Variants in RGS3 observed in about 807,000 individuals in gnomAD.
RGS3 encodes regulator of G protein signaling 3.
Under a neutral mutation model 132.6 loss-of-function variants are expected in RGS3, and 80 were observed. That is an observed-to-expected ratio of 0.60 (90% CI 0.50 to 0.73). RGS3 has a LOEUF of 0.73. Among genes scored for constraint, RGS3 ranks in the 30% least tolerant of loss-of-function variants. RGS3 has a pLI of 0.00. For missense variants in RGS3, 1,382 were observed against 1,530.8 expected, an observed-to-expected ratio of 0.90 and a Z score of 1.62; for synonymous variants, 598 against 620.6, an observed-to-expected ratio of 0.96 and a Z score of 0.54.
intron 18 of RGS3, among the ~76,000 whole-genome samples, chr9:113,529,800 C>T (rs1453618510): frequency 6.6e-6 from 1 of 152,210 alleles, no homozygotes; most frequent in African/African-American, 2.4e-5. Context: ...GATACCCACT[C>T]AGTGTGGTTG....
At chr9:113,477,879 G>T (rs1830041321) in intron 3 of RGS3, among the ~76,000 whole-genome samples, 1 of 152,180 alleles carries the variant, frequency 6.6e-6, no homozygotes, top group South Asian at 2.1e-4. Context: ...TCTGGTAGAC[G>T]GCCCTGCCCT....
intron 19 of RGS3, chr9:113,541,558 G>T (rs911254676): frequency 6.8e-7 from 1 of 1,466,732 alleles, no homozygotes; most frequent in African/African-American, 1.4e-5. Context: ...TCATCTGAAG[G>T]GAGTGGTCCC....
Position 113,463,903 on chromosome 9 carries a change from C to A in RGS3, c.415+1702C>A, listed in dbSNP as rs761098411. The A allele has an allele frequency of 6.2e-7, 1 of 1,611,384 alleles. No individual in the cohort carries two copies. Among genetic ancestry groups the A allele is most frequent in the South Asian group, 1.1e-5 (1 of 90,816 alleles). ...TTTGGTAAGTGCCCGCTGGGGCTGG[C>A]GGCAGGGGCTGCTTCACCCTGCTCC... On this transcript the variant is annotated intron_variant, in intron 3 of 24. Coordinates refer to ENST00000350696, the Ensembl canonical transcript of RGS3. This position sits in a 1 kb window ranked among gnomAD's most constrained non-coding sequence, Gnocchi z 4.6.
Position 113,506,110 on chromosome 9 carries a change from G to T in RGS3, c.980-278G>T, listed in dbSNP as rs1831119638. Among the ~76,000 whole-genome samples, 1 of 152,090 alleles carries T rather than the reference G, an allele frequency of 6.6e-6. No individual in the cohort carries two copies. Among genetic ancestry groups the T allele is most frequent in the Admixed American group, 6.6e-5 (1 of 15,262 alleles). On this transcript the variant is annotated intron_variant, in intron 11 of 24. Coordinates refer to ENST00000350696, the Ensembl canonical transcript of RGS3. The surrounding 1 kb of genome is among the most constrained non-coding windows in gnomAD (Gnocchi z 4.7). Reference sequence around the variant, plus strand: ...GGTAGGAGGCCCTGGGGAGGGGTAAGGGCCCGGGTAGAAGGGTGGACTGCA... The same window carrying T: ...GGTAGGAGGCCCTGGGGAGGGGTAATGGCCCGGGTAGAAGGGTGGACTGCA...
Position 113,577,165 on chromosome 9 carries a change from G to A in RGS3, c.2038-6285G>A, listed in dbSNP as rs557055861. On this transcript the variant is annotated intron_variant, in intron 19 of 24. Transcript: ENST00000350696. ...TGCCTGGCTAATTCTCGTATTTTTA[G>A]TAGAGACAGGGTTTTACCATATTGG... Among the ~76,000 whole-genome samples the A allele has an allele frequency of 8.5e-5, 13 of 152,122 alleles. No individual in the cohort carries two copies. In the South Asian group the frequency reaches 2.7e-3, roughly 32 times the overall value.
intron 17 of RGS3, among the ~76,000 whole-genome samples, chr9:113,527,640 G>A (rs530062207): frequency 1.3e-5 from 2 of 152,242 alleles, no homozygotes; most frequent in East Asian, 3.9e-4. Flanking sequence ...GCTGTGCCTG[G>A]CAGCCCTTGG....
intron 17 of RGS3, among the ~76,000 whole-genome samples, chr9:113,525,361 G>A (rs916489855): frequency 2.0e-5 from 3 of 152,126 alleles, no homozygotes; most frequent in Admixed American, 6.5e-5. Context: ...GCTCATGGAA[G>A]TTTAGTGACC....
chr9:113,589,979 CTG>C (rs1835335683), intron 20 of RGS3: 1 of 152,248 alleles, frequency 6.6e-6, no homozygotes, highest in African/African-American at 2.4e-5. Flanking sequence ...GTGTGTGCCT[CTG>C]TGTGCACGTA....
intron 16 of RGS3, among the ~76,000 whole-genome samples, chr9:113,519,510 C>CA (rs35813905): frequency 0.021 from 2,096 of 99,394 alleles, 16 homozygotes; most frequent in East Asian, 0.031. Context: ...TTACTCACAC[C>CA]AAAAAAAAAA....
At chr9:113,567,145 T>A (rs1378060316) in intron 19 of RGS3, among the ~76,000 whole-genome samples, 2 of 152,250 alleles carry the variant, frequency 1.3e-5, no homozygotes, top group Non-Finnish European at 2.9e-5. Context: ...ATTATAAGTA[T>A]GTGGTATCAG....
intron 7 of RGS3, among the ~76,000 whole-genome samples, chr9:113,493,309 T>G (rs1830581750): frequency 6.6e-6 from 1 of 152,180 alleles, no homozygotes. Context: ...GGTGAGAGCA[T>G]TGTCCTTTTT....
intron 19 of RGS3, among the ~76,000 whole-genome samples, chr9:113,549,922 C>A (rs1485689489): frequency 1.3e-5 from 2 of 152,124 alleles, no homozygotes; most frequent in Admixed American, 1.3e-4. Flanking sequence ...TGGGAGATGG[C>A]TTGAGCCTGA....
intron 8 of RGS3, 24 bp from the exon 7 acceptor site, chr9:113,497,290 G>T (rs371645669): frequency 1.3e-6 from 2 of 1,588,732 alleles, no homozygotes; most frequent in African/African-American, 1.3e-5. Flanking sequence ...GTGTCTGAGC[G>T]TGCCATTCCT....
At chr9:113,479,158 G>A (rs1395119364) in intron 3 of RGS3, 3 of 299,432 alleles carry the variant, frequency 1.0e-5, no homozygotes, top group Non-Finnish European at 1.9e-5. Flanking sequence ...GACAGTACTT[G>A]TTCTCCTACA....
intron 10 of RGS3, chr9:113,501,418 A>C: frequency 6.8e-7 from 1 of 1,464,120 alleles, no homozygotes; most frequent in Admixed American, 2.2e-5. Context: ...CACACAGCAC[A>C]GACAGGGCTT....
chr9:113,497,745 A>T (rs971632338), intron 9 of RGS3, among the ~76,000 whole-genome samples: 2 of 152,128 alleles, frequency 1.3e-5, no homozygotes, highest in African/African-American at 4.8e-5. Flanking sequence ...TCATCTTGGG[A>T]TACCCACCTC....
intron 3 of RGS3, among the ~76,000 whole-genome samples, chr9:113,477,327 T>G (rs1289817407): frequency 2.6e-5 from 4 of 152,056 alleles, no homozygotes; most frequent in Admixed American, 2.6e-4. Flanking sequence ...GAGATCTGGG[T>G]CCTGGACAGG....
intron 14 of RGS3, among the ~76,000 whole-genome samples, chr9:113,509,801 C>G (rs1831320627): frequency 6.6e-6 from 1 of 152,156 alleles, no homozygotes; most frequent in African/African-American, 2.4e-5. Flanking sequence ...GCGCTCCCAT[C>G]AGGCTCAGGG....
chr9:113,508,630 G>T lies in RGS3; in HGVS notation c.1477+50G>T, dbSNP rs1004125145. 6 of 1,593,326 alleles carry T rather than the reference G, an allele frequency of 3.8e-6. No individual in the cohort carries two copies. In the African/African-American group the frequency reaches 8.0e-5, roughly 21 times the overall value. On this transcript the variant is annotated intron_variant, in intron 14 of 24. Transcript: ENST00000350696. ...CCTCCTAGCTCAGAGAGGCAGCAGGGGTCAGCTGAGGCCTGGCCCAGCCTC... is the reference window on the plus strand; with the variant it reads ...CCTCCTAGCTCAGAGAGGCAGCAGGTGTCAGCTGAGGCCTGGCCCAGCCTC...
Sources: allele counts gnomAD v4.1 joint callset (sites outside exome capture counted in the v4.1 genomes callset), GRCh38; gene constraint gnomAD v4.1.1; non-coding constraint Gnocchi (gnomAD v3.1); transcripts MANE v1.5; gene names NCBI Gene and HGNC (gene_info 2026-07-23, HGNC 2026-07-21).